NWD2: variants seen among roughly 807,000 people sequenced by gnomAD.
NWD2 encodes the protein NACHT and WD repeat domain-containing protein 2.
Under a neutral mutation model 132.7 loss-of-function variants are expected in NWD2, and 37 were observed. The observed-to-expected ratio is 0.28, with a 90% CI of 0.21 to 0.37. NWD2 has a LOEUF of 0.37. NWD2 is among the 10% of genes least tolerant of loss of function. NWD2 has a pLI of 1.00. For missense variants in NWD2, 1,592 were observed against 2,122.4 expected, an observed-to-expected ratio of 0.75 and a Z score of 4.91; for synonymous variants, 705 against 803.0, an observed-to-expected ratio of 0.88 and a Z score of 2.06.
chr4:37,407,289 T>C (rs1447155742), intron 3 of NWD2, among the ~76,000 whole-genome samples: 3 of 152,166 alleles, frequency 2.0e-5, no homozygotes, highest in Non-Finnish European at 4.4e-5. Context: ...GGGAAGCTAA[T>C]TGAAGAAGGC....
At chr4:37,346,525 A>T (rs1012236493) in intron 2 of NWD2, among the ~76,000 whole-genome samples, 2 of 152,072 alleles carry the variant, frequency 1.3e-5, no homozygotes, top group Non-Finnish European at 2.9e-5. Flanking sequence ...GAACTTTAGG[A>T]TTAGCTTGTC....
intron 3 of NWD2, among the ~76,000 whole-genome samples, chr4:37,382,339 G>C (rs369490938): frequency 2.3e-4 from 35 of 152,182 alleles, no homozygotes; most frequent in Non-Finnish European, 4.4e-4. Context: ...CTGCACTCCA[G>C]TGAACCTAGA....
At chr4:37,250,696 C>G (rs1717340392) in intron 1 of NWD2, among the ~76,000 whole-genome samples, 1 of 152,160 alleles carries the variant, frequency 6.6e-6, no homozygotes, top group African/African-American at 2.4e-5. Flanking sequence ...TCAAGGAATG[C>G]AGTCTATAGA....
At chr4:37,286,238 C>A (rs746997506) in intron 1 of NWD2, among the ~76,000 whole-genome samples, 9 of 152,210 alleles carry the variant, frequency 5.9e-5, no homozygotes, top group Admixed American at 1.3e-4. Context: ...CTCATCCTTA[C>A]TTTCTTAGCA....
intron 1 of NWD2, among the ~76,000 whole-genome samples, chr4:37,311,762 G>A (rs1718846998): frequency 6.7e-6 from 1 of 148,824 alleles, no homozygotes; most frequent in Non-Finnish European, 1.5e-5. Flanking sequence ...ATGGTTTTAG[G>A]TCTAACATTT....
chr4:37,275,086 C>T (rs1285190321), intron 1 of NWD2, among the ~76,000 whole-genome samples: 1 of 152,052 alleles, frequency 6.6e-6, no homozygotes, highest in Non-Finnish European at 1.5e-5. Flanking sequence ...CCAGGGCAAC[C>T]AGGCAGGAGA....
At chr4:37,414,119 A>AT (rs1721214937) in intron 3 of NWD2, among the ~76,000 whole-genome samples, 1 of 152,154 alleles carries the variant, frequency 6.6e-6, no homozygotes, top group African/African-American at 2.4e-5. Context: ...ATAAAGTATA[A>AT]TAAAAAAAAG....
chr4:37,447,099 C>T lies in NWD2; in HGVS notation c.5111C>T (p.Thr1704Ile). 1 of 1,551,592 alleles carries T rather than the reference C, an allele frequency of 6.4e-7. No individual in the cohort carries two copies. Among genetic ancestry groups the T allele is most frequent in the East Asian group, 2.4e-5 (1 of 40,924 alleles). The change falls in exon 7 of 7, where the codon ACA becomes ATA. Residue 1704 changes from threonine (T) to isoleucine (I), a missense_variant. Around this residue, in one of 7 missense-constraint regions of NWD2, gnomAD observed 257 missense variants for 335.0 expected, o/e 0.77. Transcript: ENST00000309447. ...GTCTTTGCAAGAGACAGCCCCATCACAGTTAGTGACTCTACTGAGTCCAAT... is the reference window on the plus strand; with the variant it reads ...GTCTTTGCAAGAGACAGCCCCATCATAGTTAGTGACTCTACTGAGTCCAAT... Reference protein sequence around the residue: ...TEVFARDSPITVSDSTESNEA... With the variant: ...TEVFARDSPIIVSDSTESNEA...
At chr4:37,334,046 C>T (rs890813678) in intron 2 of NWD2, among the ~76,000 whole-genome samples, 1 of 151,924 alleles carries the variant, frequency 6.6e-6, no homozygotes, top group African/African-American at 2.4e-5. Flanking sequence ...AAGAATGAAG[C>T]ATGCCTACGA....
intron 1 of NWD2, among the ~76,000 whole-genome samples, chr4:37,280,968 T>G (rs1424247163): frequency 6.6e-6 from 1 of 151,644 alleles, no homozygotes; most frequent in East Asian, 1.9e-4. Flanking sequence ...GCTGGAGGAG[T>G]AGGAAACCCA....
intron 2 of NWD2, among the ~76,000 whole-genome samples, chr4:37,328,283 G>A (rs555219008): frequency 2.4e-4 from 37 of 151,970 alleles, no homozygotes; most frequent in African/African-American, 8.0e-4. Context: ...TCTGGTATAC[G>A]TGTGCAGAAT....
rs140256800 is a variant in NWD2, at chr4:37,263,768, T to C, written c.151+18550T>C. ...TCCTTATAAATTTTAACAGAAATTATTGAAATACAAGAGTTACTGATAGAC... is the reference window on the plus strand; with the variant it reads ...TCCTTATAAATTTTAACAGAAATTACTGAAATACAAGAGTTACTGATAGAC... On this transcript the variant is annotated intron_variant, in intron 1 of 6. Transcript: ENST00000309447. Among the ~76,000 whole-genome samples the C allele has an allele frequency of 2.8e-3, 429 of 152,260 alleles. 3 individuals are homozygous for C. Among genetic ancestry groups the C allele is most frequent in the African/African-American group, 9.8e-3 (408 of 41,564 alleles).
intron 1 of NWD2, among the ~76,000 whole-genome samples, chr4:37,318,802 C>T (rs757255151): frequency 3.3e-5 from 5 of 152,116 alleles, no homozygotes; most frequent in Non-Finnish European, 5.9e-5. Flanking sequence ...CTGCAAAGGA[C>T]ATGATTTCAT....
chr4:37,428,197 G>C (rs1024019584), intron 3 of NWD2, among the ~76,000 whole-genome samples: 1 of 152,176 alleles, frequency 6.6e-6, no homozygotes, highest in Admixed American at 6.5e-5. Context: ...CAGATGAAAA[G>C]AACACTGTGA....
At chr4:37,322,374 C>T (rs932260286) in intron 1 of NWD2, among the ~76,000 whole-genome samples, 2 of 152,036 alleles carry the variant, frequency 1.3e-5, no homozygotes, top group South Asian at 4.1e-4. Flanking sequence ...ATTAAAGCTG[C>T]GAGTTGAATA....
intron 3 of NWD2, among the ~76,000 whole-genome samples, chr4:37,379,589 C>T (rs1297626938): frequency 6.6e-6 from 1 of 152,108 alleles, no homozygotes. Context: ...GGTGTGGGTT[C>T]ACTGAGACAC....
intron 1 of NWD2, among the ~76,000 whole-genome samples, chr4:37,280,785 G>A (rs1036323708): frequency 1.2e-4 from 19 of 152,288 alleles, no homozygotes; most frequent in African/African-American, 4.6e-4. Flanking sequence ...CAGGTCCAAA[G>A]GACCCAGAAG....
rs560206752 is a variant in NWD2 at position 37,445,544 on chromosome 4, C to A, written c.3556C>A (p.Arg1186=). ...SPQLTDDFDC[R]REDSEVVSIE... ...CCAGCTGACTGATGACTTTGATTGC[C>A]GAAGAGAAGACAGTGAGGTGGTCAG... The change falls in exon 7 of 7, where the codon CGA becomes AGA. Residue 1186 remains arginine, a synonymous_variant. Transcript: ENST00000309447. This position sits in a 1 kb window ranked among gnomAD's most constrained non-coding sequence, Gnocchi z 4.7. The A allele has an allele frequency of 6.4e-7, 1 of 1,551,982 alleles. No homozygotes were observed. Among genetic ancestry groups the A allele is most frequent in the African/African-American group, 1.4e-5 (1 of 73,116 alleles).
intron 6 of NWD2, among the ~76,000 whole-genome samples, chr4:37,442,689 A>G (rs1316341416): frequency 6.6e-6 from 1 of 152,236 alleles, no homozygotes; most frequent in African/African-American, 2.4e-5. Context: ...AATCAAAATT[A>G]TGACCCTATA....
Sources: allele counts gnomAD v4.1 joint callset (sites outside exome capture counted in the v4.1 genomes callset), GRCh38; gene constraint gnomAD v4.1.1; regional missense constraint gnomAD v4.1.1; non-coding constraint Gnocchi (gnomAD v3.1); transcripts MANE v1.5; gene names NCBI Gene and HGNC (gene_info 2026-07-23, HGNC 2026-07-21).